CALN1: variants seen among roughly 807,000 people sequenced by gnomAD.
CALN1 encodes calneuron 1.
CALN1 carries 17 observed loss-of-function variants against 30.6 expected under a neutral mutation model. The ratio of observed to expected loss-of-function variants is 0.56; its 90% CI spans 0.38 to 0.83. The LOEUF (loss-of-function observed/expected upper bound fraction) is 0.83, where lower values mean the gene tolerates loss of function less well. Among genes scored for constraint, CALN1 ranks in the 40% least tolerant of loss-of-function variants. CALN1 has a pLI of 0.00. For synonymous variants in CALN1, 156 were observed against 131.4 expected, an observed-to-expected ratio of 1.19 and a Z score of -1.28; for missense variants, 291 against 354.9, an observed-to-expected ratio of 0.82 and a Z score of 1.45.
chr7:72,015,510 G>A (rs1584749079), intron 5 of CALN1, among the ~76,000 whole-genome samples: 1 of 151,668 alleles, frequency 6.6e-6, no homozygotes, highest in Non-Finnish European at 1.5e-5. Flanking sequence ...TGCAATCATG[G>A]CTCACTGCAG....
At chr7:72,467,937 C>T in the CALN1 span, among the ~76,000 whole-genome samples, 1 of 152,154 alleles carries the variant, frequency 6.6e-6, no homozygotes, top group Non-Finnish European at 1.5e-5. Flanking sequence ...CTGGATTTAC[C>T]TATATTCTGG....
intron 2 of CALN1, among the ~76,000 whole-genome samples, chr7:72,364,063 G>GT (rs1803730730): frequency 1.1e-5 from 1 of 93,472 alleles, no homozygotes; most frequent in Non-Finnish European, 2.1e-5. Context: ...CAAAATTGCA[G>GT]TAAAAAAAAA....
chr7:72,413,054 G>A (rs1807276933), upstream of CALN1, among the ~76,000 whole-genome samples: 1 of 152,184 alleles, frequency 6.6e-6, no homozygotes, highest in Non-Finnish European at 1.5e-5. Flanking sequence ...GGCTCACCCG[G>A]GGGGTTTGCA....
intron 3 of CALN1, among the ~76,000 whole-genome samples, chr7:72,254,020 C>A (rs528194294): frequency 6.6e-6 from 1 of 152,266 alleles, no homozygotes; most frequent in East Asian, 1.9e-4. Flanking sequence ...AGATTACAGG[C>A]ATGAGCAACT....
At chr7:71,959,979 C>T (rs1797155000) in intron 5 of CALN1, among the ~76,000 whole-genome samples, 2 of 151,600 alleles carry the variant, frequency 1.3e-5, no homozygotes, top group African/African-American at 2.4e-5. Flanking sequence ...ACTAAAAATA[C>T]AAAAATTAGC....
chr7:72,029,189 C>G (rs541397703), intron 4 of CALN1, among the ~76,000 whole-genome samples: 46 of 151,972 alleles, frequency 3.0e-4, no homozygotes, highest in African/African-American at 1.1e-3. Context: ...TGCAGTGGCA[C>G]GATCTCAGCT....
At chr7:72,088,726 G>A (rs915286850) in intron 4 of CALN1, among the ~76,000 whole-genome samples, 1 of 145,164 alleles carries the variant, frequency 6.9e-6, no homozygotes, top group African/African-American at 2.5e-5. Flanking sequence ...AAAGAAAGAA[G>A]AAAGAAGAAG....
chr7:72,094,641 C>T (rs1485055296), intron 4 of CALN1, among the ~76,000 whole-genome samples: 4 of 152,040 alleles, frequency 2.6e-5, no homozygotes, highest in East Asian at 3.9e-4. Flanking sequence ...GAATTCAACA[C>T]GGTCAGTGTT....
At chr7:72,106,108 C>A (rs1412153819) in intron 4 of CALN1, 43 bp downstream of exon 4, 1 of 1,602,338 alleles carries the variant, frequency 6.2e-7, no homozygotes, top group Admixed American at 1.7e-5. Flanking sequence ...ACTGATGAGA[C>A]CGGGGCATGT....
At chr7:71,985,541 A>T (rs1562956807) in intron 5 of CALN1, among the ~76,000 whole-genome samples, 1 of 151,938 alleles carries the variant, frequency 6.6e-6, no homozygotes, top group Non-Finnish European at 1.5e-5. Flanking sequence ...ATGTATTCCC[A>T]ATAACACAGT....
chr7:72,289,095 T>G (rs976394279), intron 2 of CALN1, among the ~76,000 whole-genome samples: 3 of 152,242 alleles, frequency 2.0e-5, no homozygotes, highest in African/African-American at 7.2e-5. Context: ...TATAAATTAA[T>G]GATTTCCTTA....
intron 3 of CALN1, among the ~76,000 whole-genome samples, chr7:72,161,485 A>T (rs1788103902): frequency 6.6e-6 from 1 of 152,232 alleles, no homozygotes; most frequent in Non-Finnish European, 1.5e-5. Flanking sequence ...AACAATGGCA[A>T]AAAAATTCTA....
At chr7:72,393,689 T>G (rs1805730979) in intron 2 of CALN1, among the ~76,000 whole-genome samples, 1 of 151,906 alleles carries the variant, frequency 6.6e-6, no homozygotes, top group African/African-American at 2.4e-5. Flanking sequence ...CCAAAGCCCT[T>G]TTGAAGGAAT....
At chr7:72,262,175 C>T (rs950753335) in intron 3 of CALN1, among the ~76,000 whole-genome samples, 1 of 152,104 alleles carries the variant, frequency 6.6e-6, no homozygotes, top group African/African-American at 2.4e-5. Context: ...GCAGCTCCTA[C>T]CCAAGGAATA....
rs991107672 is a variant in CALN1 at position 72,336,560 on chromosome 7, T to C, written c.120-57750A>G. On this transcript the variant is annotated intron_variant, in intron 2 of 6. Transcript: ENST00000395275. The stretch of plus-strand genomic sequence containing the variant: ...CGGAGCCAACAGGTACGGGAGGCGC[T>C]GTCTGCCAACCATCTGCCCACTCTG... 2.9e-5 allele frequency: 12 copies of C among 417,926 alleles called. No individual in the cohort carries two copies. The East Asian group carries it at 1.7e-3, about 61-fold the overall frequency. 25.9% of individuals were successfully genotyped at this position (417,926 alleles called of 1,614,324 possible). A position where few individuals can be genotyped will look rare whatever the true frequency, so the allele number is the denominator to read the frequency against.
chr7:72,242,194 G>A (rs1244196619), intron 3 of CALN1, among the ~76,000 whole-genome samples: 1 of 152,112 alleles, frequency 6.6e-6, no homozygotes, highest in African/African-American at 2.4e-5. Flanking sequence ...CCATGCTGTA[G>A]TGTGTGTCAG....
At chr7:72,014,034 T>A (rs1324636495) in intron 5 of CALN1, among the ~76,000 whole-genome samples, 1 of 151,820 alleles carries the variant, frequency 6.6e-6, no homozygotes, top group Non-Finnish European at 1.5e-5. Context: ...AAAGAAATTG[T>A]AAATACATTT....
At chr7:72,133,631 A>G (rs1265273827) in intron 3 of CALN1, among the ~76,000 whole-genome samples, 1 of 152,206 alleles carries the variant, frequency 6.6e-6, no homozygotes. Context: ...TTTCCCACTG[A>G]ACACTAATTA....
chr7:71,876,259 T>C (rs1268062802), intron 5 of CALN1, among the ~76,000 whole-genome samples: 2 of 152,162 alleles, frequency 1.3e-5, no homozygotes, highest in East Asian at 1.9e-4. Context: ...CTTGTGACAC[T>C]GGGTTAGTTC....
Sources: gnomAD v4.1 joint callset for allele counts (sites outside exome capture counted in the v4.1 genomes callset) on GRCh38, gnomAD v4.1.1 for gene constraint, MANE v1.5 for transcripts, NCBI Gene and HGNC (gene_info 2026-07-23, HGNC 2026-07-21) for gene names.